Variants in ACMSD observed in about 807,000 individuals in gnomAD.
ACMSD encodes aminocarboxymuconate semialdehyde decarboxylase.
A neutral mutation model predicts 45.9 loss-of-function variants in ACMSD; 37 were observed. The ratio of observed to expected loss-of-function variants is 0.81; its 90% confidence interval spans 0.62 to 1.06. ACMSD has a LOEUF of 1.06. Ranked by LOEUF, ACMSD falls within the 50% of genes least tolerant of loss-of-function variation. The pLI is 0.00. For missense variants in ACMSD, 434 were observed against 420.9 expected, an observed-to-expected ratio of 1.03 and a Z score of -0.27; for synonymous variants, 138 against 148.8, an observed-to-expected ratio of 0.93 and a Z score of 0.53.
intron 2 of ACMSD, among the ~76,000 whole-genome samples, chr2:134,854,819 G>GCCTC (rs74998056): frequency 0.22 from 33,995 of 152,078 alleles, 3,979 homozygotes; most frequent in South Asian, 0.37. Flanking sequence ...ACATTTTACA[G>GCCTC]ACAGAAAAAG....
At chr2:134,897,745 C>G (rs991399738) in intron 8 of ACMSD, among the ~76,000 whole-genome samples, 1 of 151,920 alleles carries the variant, frequency 6.6e-6, no homozygotes, top group Non-Finnish European at 1.5e-5. Flanking sequence ...GACAAGCCTA[C>G]GTATTTTATT....
intron 1 of ACMSD, chr2:134,844,574 T>C (rs1179016384): frequency 6.5e-6 from 1 of 152,932 alleles, no homozygotes; most frequent in Non-Finnish European, 1.5e-5. Flanking sequence ...CCCTCAATTA[T>C]CTGTTAAGGG....
At chr2:134,844,621 G>T (rs1686966975) in intron 1 of ACMSD, 1 of 154,478 alleles carries the variant, frequency 6.5e-6, no homozygotes, top group African/African-American at 2.4e-5. Flanking sequence ...TAATTTCTTA[G>T]TACTTCTGAC....
intron 8 of ACMSD, chr2:134,872,957 T>C (rs1026421814): frequency 1.8e-5 from 5 of 277,318 alleles, no homozygotes; most frequent in Non-Finnish European, 3.5e-5. Flanking sequence ...AAATGACACA[T>C]GGCAATGTAG....
At chr2:134,866,701 G>T (rs1358811787) in intron 5 of ACMSD, among the ~76,000 whole-genome samples, 3 of 152,204 alleles carry the variant, frequency 2.0e-5, no homozygotes, top group Admixed American at 6.5e-5. Context: ...TATGTGGTGA[G>T]GAATTATTCT....
intron 8 of ACMSD, among the ~76,000 whole-genome samples, chr2:134,879,544 T>C (rs909542478): frequency 1.3e-5 from 2 of 152,198 alleles, no homozygotes; most frequent in Admixed American, 1.3e-4. Flanking sequence ...AAAACAAGAA[T>C]GCATATTTAC....
chr2:134,888,868 G>C (rs1689614284), intron 8 of ACMSD, among the ~76,000 whole-genome samples: 1 of 152,228 alleles, frequency 6.6e-6, no homozygotes, highest in South Asian at 2.1e-4. Flanking sequence ...GACCAAGAAG[G>C]AGCATGAGGG....
chr2:134,880,458 T>G (rs1316177853), intron 8 of ACMSD, among the ~76,000 whole-genome samples: 2 of 152,200 alleles, frequency 1.3e-5, no homozygotes, highest in Non-Finnish European at 2.9e-5. Context: ...AGAACCTATT[T>G]TTGTTTTCTG....
intron 8 of ACMSD, among the ~76,000 whole-genome samples, chr2:134,886,246 A>ATTATTTTTTTTTTTTTTTTTT: frequency 8.7e-6 from 1 of 115,476 alleles, no homozygotes; most frequent in Non-Finnish European, 1.8e-5. Flanking sequence ...TATTATTATT[A>ATTATTTTTTTTTTTTTTTTTT]TTTTTTTTTT....
intron 2 of ACMSD, among the ~76,000 whole-genome samples, chr2:134,855,960 T>C (rs939950127): frequency 1.3e-5 from 2 of 152,182 alleles, no homozygotes; most frequent in Non-Finnish European, 1.5e-5. Flanking sequence ...CACACCCACT[T>C]GGACATTCTA....
chr2:134,893,952 T>TA (rs1393522778), intron 8 of ACMSD, among the ~76,000 whole-genome samples: 1 of 152,138 alleles, frequency 6.6e-6, no homozygotes, highest in Non-Finnish European at 1.5e-5. Flanking sequence ...TTCTAAAACT[T>TA]ATGGATGCAG....
Position 134,845,168 on chromosome 2 carries a change from G to C in ACMSD, c.58-65G>C, listed in dbSNP as rs374249960. ...TGGAGCTCAGGATCTTCTGCACTTA[G>C]CATGCCCCTTGATTGCAGCCTGGTC... On this transcript the variant is annotated intron_variant, in intron 1 of 9. Coordinates refer to ENST00000356140, the MANE Select transcript of ACMSD (RefSeq NM_138326.3). 1.3e-5 allele frequency: 20 copies of C among 1,564,274 alleles called. No homozygotes were observed. The African/African-American group carries it at 2.4e-4, about 19-fold the overall frequency.
chr2:134,883,954 AC>A (rs1163958416), intron 8 of ACMSD, among the ~76,000 whole-genome samples: 1 of 152,184 alleles, frequency 6.6e-6, no homozygotes, highest in Non-Finnish European at 1.5e-5. Flanking sequence ...CTCCCTCTGA[AC>A]AAGAAACTCA....
intron 5 of ACMSD, among the ~76,000 whole-genome samples, chr2:134,866,268 TAA>T (rs749192997): frequency 2.6e-5 from 4 of 151,846 alleles, no homozygotes; most frequent in Non-Finnish European, 5.9e-5. Flanking sequence ...ACCCTTAACA[TAA>T]AAGTTAACAA....
At chr2:134,880,990 T>C (rs892807748) in intron 8 of ACMSD, among the ~76,000 whole-genome samples, 1 of 152,182 alleles carries the variant, frequency 6.6e-6, no homozygotes, top group Admixed American at 6.5e-5. Flanking sequence ...TATCTATTCA[T>C]ATGTTATTCA....
intron 8 of ACMSD, among the ~76,000 whole-genome samples, chr2:134,883,485 T>C (rs1689160743): frequency 6.6e-6 from 1 of 152,092 alleles, no homozygotes; most frequent in South Asian, 2.1e-4. Context: ...AAATAACAGG[T>C]GATAGAACTA....
chr2:134,885,766 G>A (rs984506770), intron 8 of ACMSD, among the ~76,000 whole-genome samples: 1 of 151,994 alleles, frequency 6.6e-6, no homozygotes, highest in African/African-American at 2.4e-5. Flanking sequence ...ATTGGTTAAA[G>A]GTCTTAAACC....
chr2:134,900,054 A>C (rs1690410842), intron 9 of ACMSD, among the ~76,000 whole-genome samples: 2 of 152,158 alleles, frequency 1.3e-5, no homozygotes, highest in South Asian at 4.1e-4. Flanking sequence ...GACATTTTGA[A>C]TTTTGAACCA....
chr2:134,890,792 T>C (rs2104946634), intron 8 of ACMSD, among the ~76,000 whole-genome samples: 1 of 152,098 alleles, frequency 6.6e-6, no homozygotes, highest in East Asian at 1.9e-4. Context: ...GGGTGAAGAT[T>C]ACATGGAAGG....
Sources: gnomAD v4.1 joint callset for allele counts (sites outside exome capture counted in the v4.1 genomes callset) on GRCh38, gnomAD v4.1.1 for gene constraint, MANE v1.5 for transcripts, NCBI Gene and HGNC (gene_info 2026-07-23, HGNC 2026-07-21) for gene names.